The following SLC24A2 variants were observed in gnomAD, a reference collection of about 807,000 sequenced individuals.
The protein encoded by SLC24A2 is solute carrier family 24 member 2.
Under a neutral mutation model 62.0 loss-of-function variants are expected in SLC24A2, and 36 were observed. That is an observed-to-expected ratio of 0.58 (90% CI 0.44 to 0.77). The LOEUF is 0.77. Among genes scored for constraint, SLC24A2 ranks in the 30% least tolerant of loss-of-function variants. The pLI, the probability that SLC24A2 is intolerant of heterozygous loss-of-function variation, is 0.00. For synonymous variants in SLC24A2, 358 were observed against 294.0 expected (o/e 1.22, Z -2.23); for missense variants, 846 against 817.9 (o/e 1.03, Z -0.42).
At chr9:19,974,747 A>G in the SLC24A2 span, among the ~76,000 whole-genome samples, 1 of 152,226 alleles carries the variant, frequency 6.6e-6, no homozygotes, top group Non-Finnish European at 1.5e-5. Context: ...TCTAGAGCAC[A>G]CATATTAACC....
intron 10 of SLC24A2, among the ~76,000 whole-genome samples, chr9:19,520,335 T>C (rs1372184479): frequency 6.6e-6 from 1 of 152,238 alleles, no homozygotes; most frequent in Non-Finnish European, 1.5e-5. Flanking sequence ...TGATTATTCA[T>C]ACTGAGAGCT....
At chr9:20,005,332 T>C in the SLC24A2 span, among the ~76,000 whole-genome samples, 1 of 152,142 alleles carries the variant, frequency 6.6e-6, no homozygotes, top group Non-Finnish European at 1.5e-5. Flanking sequence ...CTAAAAGTGT[T>C]TAAGGAATCA....
the SLC24A2 span, among the ~76,000 whole-genome samples, chr9:19,949,883 A>T: frequency 6.6e-6 from 1 of 152,230 alleles, no homozygotes; most frequent in Non-Finnish European, 1.5e-5. Flanking sequence ...CTGCATGTTT[A>T]TGAAAGAGGT....
chr9:19,636,315 T>TTTCCTTCCTTTCTTTCTTTCTTTC (rs1554690361), intron 2 of SLC24A2, among the ~76,000 whole-genome samples: 1 of 40,328 alleles, frequency 2.5e-5, no homozygotes, highest in African/African-American at 1.2e-4. Flanking sequence ...TTTTCTTTTC[T>TTTCCTTCCTTTCTTTCTTTCTTTC]TTTCTTTCTT....
At chr9:19,615,841 T>G (rs1428329277) in intron 4 of SLC24A2, among the ~76,000 whole-genome samples, 4 of 152,204 alleles carry the variant, frequency 2.6e-5, no homozygotes, top group African/African-American at 9.6e-5. Flanking sequence ...TAGATTCACT[T>G]TCCCTTATCT....
At chr9:20,223,227 G>T in the SLC24A2 span, among the ~76,000 whole-genome samples, 1 of 152,102 alleles carries the variant, frequency 6.6e-6, no homozygotes, top group South Asian at 2.1e-4. Flanking sequence ...CTTTAAAACA[G>T]CATTGAAGTA....
chr9:20,000,873 T>C, the SLC24A2 span, among the ~76,000 whole-genome samples: 1 of 152,162 alleles, frequency 6.6e-6, no homozygotes, highest in African/African-American at 2.4e-5. Flanking sequence ...AGAAAAGTTA[T>C]GTATGAGAGG....
At chr9:19,780,624 C>T (rs1056360954) in intron 2 of SLC24A2, among the ~76,000 whole-genome samples, 1 of 151,324 alleles carries the variant, frequency 6.6e-6, no homozygotes, top group Non-Finnish European at 1.5e-5. Flanking sequence ...TGTAGGCTCA[C>T]GCCTGTAATC....
the SLC24A2 span, among the ~76,000 whole-genome samples, chr9:19,878,173 ACTT>A: frequency 6.6e-6 from 1 of 152,112 alleles, no homozygotes; most frequent in East Asian, 1.9e-4. Flanking sequence ...CAGCAAGAAG[ACTT>A]CTTATTGCCA....
chr9:19,952,455 G>A, the SLC24A2 span, among the ~76,000 whole-genome samples: 1 of 151,864 alleles, frequency 6.6e-6, no homozygotes, highest in Non-Finnish European at 1.5e-5. Context: ...TTGTCTGTCT[G>A]GTTTTATCTT....
chr9:20,216,252 A>G, the SLC24A2 span, among the ~76,000 whole-genome samples: 2 of 152,212 alleles, frequency 1.3e-5, no homozygotes, highest in African/African-American at 4.8e-5. Flanking sequence ...GCATTAGAGA[A>G]ATACCAGCAG....
At chr9:19,559,224 T>G (rs1435565096) in intron 7 of SLC24A2, among the ~76,000 whole-genome samples, 1 of 152,220 alleles carries the variant, frequency 6.6e-6, no homozygotes, top group Non-Finnish European at 1.5e-5. Context: ...AATTATAACA[T>G]TTCCAGCAAT....
At chr9:19,979,320 A>C in the SLC24A2 span, among the ~76,000 whole-genome samples, 2 of 152,264 alleles carry the variant, frequency 1.3e-5, no homozygotes, top group South Asian at 4.1e-4. Flanking sequence ...GGTGATGCCA[A>C]TGCCACTCCT....
intron 2 of SLC24A2, among the ~76,000 whole-genome samples, chr9:19,752,365 G>A (rs1035091123): frequency 7.9e-5 from 12 of 152,056 alleles, no homozygotes; most frequent in African/African-American, 2.2e-4. Context: ...ATTCCGACTC[G>A]AACACCAAGG....
rs1832619561 is a variant in SLC24A2, at chr9:19,509,249, TAAG to T, written c.*6901_*6903del. ...TTAGAACTTGCTAAAGAAACTGTAATAAGCTATTTTGAAAACGAAGACTGCTTT... is the reference window on the plus strand; with the variant it reads ...TTAGAACTTGCTAAAGAAACTGTAATCTATTTTGAAAACGAAGACTGCTTT... On this transcript the variant is annotated 3_prime_UTR_variant, in exon 11 of 11. Coordinates refer to ENST00000341998, the MANE Select transcript of SLC24A2 (RefSeq NM_020344.4). 1 of 152,216 alleles carries T rather than the reference TAAG, an allele frequency of 6.6e-6. No individual in the cohort carries two copies. Among genetic ancestry groups the T allele is most frequent in the Admixed American group, 6.5e-5 (1 of 15,274 alleles). 9.4% of individuals were successfully genotyped at this position (152,216 alleles called of 1,614,324 possible).
intron 10 of SLC24A2, among the ~76,000 whole-genome samples, chr9:19,516,825 G>A (rs1443317367): frequency 6.6e-6 from 1 of 152,142 alleles, no homozygotes; most frequent in Non-Finnish European, 1.5e-5. Context: ...TGGTGAAAAT[G>A]AGGAAAAAAT....
At chr9:19,796,821 T>C in the SLC24A2 span, among the ~76,000 whole-genome samples, 2 of 152,220 alleles carry the variant, frequency 1.3e-5, no homozygotes, top group Non-Finnish European at 2.9e-5. Flanking sequence ...GTGTTCTATA[T>C]CTTGATGATA....
chr9:19,983,972 G>T, the SLC24A2 span, among the ~76,000 whole-genome samples: 1 of 152,164 alleles, frequency 6.6e-6, no homozygotes, highest in Non-Finnish European at 1.5e-5. Flanking sequence ...ATGATGGTGT[G>T]AAAGTTATAC....
At chr9:19,531,419 T>C (rs1441200544) in intron 8 of SLC24A2, among the ~76,000 whole-genome samples, 1 of 152,204 alleles carries the variant, frequency 6.6e-6, no homozygotes, top group East Asian at 1.9e-4. Context: ...TCCTGCCATC[T>C]GCTGGGATGG....
Sources: allele counts gnomAD v4.1 joint callset (sites outside exome capture counted in the v4.1 genomes callset), GRCh38; gene constraint gnomAD v4.1.1; transcripts MANE v1.5; gene names NCBI Gene and HGNC (gene_info 2026-07-23, HGNC 2026-07-21).